CNBD1: variants seen among roughly 807,000 people sequenced by gnomAD.
CNBD1 encodes the protein cyclic nucleotide-binding domain-containing protein 1.
CNBD1 carries 71 observed loss-of-function variants against 54.4 expected under a neutral mutation model. The observed-to-expected ratio is 1.30, with a 90% CI of 1.08 to 1.59. The LOEUF (loss-of-function observed/expected upper bound fraction) is 1.59, where lower values mean the gene tolerates loss of function less well. Among genes scored for constraint, CNBD1 ranks in the 40% most tolerant of loss-of-function variants. The pLI, the probability that CNBD1 is intolerant of heterozygous loss-of-function variation, is 0.00. For missense variants in CNBD1, 659 were observed against 518.0 expected (o/e 1.27, Z -2.64); for synonymous variants, 182 against 170.7 (o/e 1.07, Z -0.51).
chr8:86,964,241 C>G (rs192517470), intron 4 of CNBD1, among the ~76,000 whole-genome samples: 1 of 62,594 alleles, frequency 1.6e-5, no homozygotes, highest in South Asian at 4.7e-4. Context: ...ATCAAGAGGT[C>G]TAGTCCCAGT....
At chr8:87,385,479 A>C (rs113927078), downstream of CNBD1, among the ~76,000 whole-genome samples, 2,873 of 151,840 alleles carry the variant, frequency 0.019, 92 homozygotes, top group African/African-American at 0.063. Flanking sequence ...TATCCTGCAC[A>C]TGTCTCGGAG....
At chr8:87,418,934 A>T (rs727565) in intron 2 of CNBD1, among the ~76,000 whole-genome samples, 1 of 151,562 alleles carries the variant, frequency 6.6e-6, no homozygotes, top group African/African-American at 2.4e-5. Context: ...TATATGACTC[A>T]GCAATTCCAC....
chr8:87,176,277 G>T (rs1417174765), intron 4 of CNBD1, among the ~76,000 whole-genome samples: 1 of 151,924 alleles, frequency 6.6e-6, no homozygotes, highest in African/African-American at 2.4e-5. Context: ...TGATTGGTGG[G>T]GCCATCTTGC....
chr8:87,328,303 G>A (rs757266390), intron 8 of CNBD1, among the ~76,000 whole-genome samples: 1 of 150,950 alleles, frequency 6.6e-6, no homozygotes, highest in Non-Finnish European at 1.5e-5. Context: ...GAATTTTTCT[G>A]GGCTTTTTAT....
intron 4 of CNBD1, among the ~76,000 whole-genome samples, chr8:87,008,951 T>C (rs1302020035): frequency 6.6e-6 from 1 of 152,148 alleles, no homozygotes; most frequent in Non-Finnish European, 1.5e-5. Context: ...GTGACATTTA[T>C]TCAGTTTATT....
chr8:87,122,343 G>A (rs1190620617), intron 4 of CNBD1, among the ~76,000 whole-genome samples: 2 of 151,688 alleles, frequency 1.3e-5, no homozygotes, highest in Non-Finnish European at 3.0e-5. Context: ...GTGGAAATTT[G>A]TATGTCTTCT....
At chr8:87,129,088 AAAAG>A (rs1476778422) in intron 4 of CNBD1, among the ~76,000 whole-genome samples, 7 of 146,338 alleles carry the variant, frequency 4.8e-5, no homozygotes, top group East Asian at 4.0e-4. Context: ...AAAAAAAAAA[AAAAG>A]AATTTTGCTA....
At chr8:87,031,210 T>C (rs981272334) in intron 4 of CNBD1, among the ~76,000 whole-genome samples, 8 of 151,758 alleles carry the variant, frequency 5.3e-5, no homozygotes, top group Non-Finnish European at 1.2e-4. Context: ...TCTCAGTGAA[T>C]TAAGGATGGA....
intron 8 of CNBD1, among the ~76,000 whole-genome samples, chr8:87,332,843 C>T (rs1474167657): frequency 6.6e-6 from 1 of 152,032 alleles, no homozygotes; most frequent in Non-Finnish European, 1.5e-5. Flanking sequence ...TTAGGATTGC[C>T]TTTGCTATGC....
intron 4 of CNBD1, among the ~76,000 whole-genome samples, chr8:86,983,078 G>A (rs1421713533): frequency 6.6e-6 from 1 of 152,170 alleles, no homozygotes; most frequent in East Asian, 1.9e-4. Flanking sequence ...TGGTTTGGGT[G>A]TGTCCTCACC....
chr8:87,327,288 C>T (rs1404772809), intron 8 of CNBD1, among the ~76,000 whole-genome samples: 1 of 148,914 alleles, frequency 6.7e-6, no homozygotes, highest in Non-Finnish European at 1.5e-5. Context: ...AGAGGTGGAG[C>T]CTACAGAGGC....
chr8:87,151,662 C>T (rs766770537), intron 4 of CNBD1, among the ~76,000 whole-genome samples: 1 of 152,088 alleles, frequency 6.6e-6, no homozygotes, highest in African/African-American at 2.4e-5. Context: ...GTATGTTACA[C>T]CCTTTTGACT....
chr8:87,030,370 A>C (rs1476633060), intron 4 of CNBD1, among the ~76,000 whole-genome samples: 1 of 152,218 alleles, frequency 6.6e-6, no homozygotes, highest in Admixed American at 6.5e-5. Context: ...ATACTCTTGG[A>C]ATTCTTATGA....
chr8:87,217,878 T>C (rs1220089991), intron 5 of CNBD1, among the ~76,000 whole-genome samples: 1 of 152,138 alleles, frequency 6.6e-6, no homozygotes, highest in Non-Finnish European at 1.5e-5. Flanking sequence ...TATTGAGAAT[T>C]GGTATTTAAA....
intron 4 of CNBD1, among the ~76,000 whole-genome samples, chr8:86,990,219 C>T (rs1328154894): frequency 2.0e-5 from 3 of 152,032 alleles, no homozygotes; most frequent in Admixed American, 2.0e-4. Flanking sequence ...TTTCATTTGT[C>T]CATTTTGCTT....
In CNBD1 at chr8:87,260,019, T is replaced by C. The variant is rs185642677; in HGVS notation, c.771+22907T>C. ...AGAATCGACAAGGATACACAGACAT[T>C]AAACCAGAAAAGACTCATTTTTTAA... On this transcript the variant is annotated intron_variant, in intron 6 of 10. Coordinates refer to ENST00000518476, the MANE Select transcript of CNBD1 (RefSeq NM_173538.3). Among the ~76,000 whole-genome samples the C allele has an allele frequency of 1.0e-3, 152 of 152,226 alleles. 1 individual carries two copies. Among genetic ancestry groups the C allele is most frequent in the South Asian group, 6.4e-3 (31 of 4,826 alleles).
chr8:87,088,961 C>T (rs1811153188), intron 4 of CNBD1, among the ~76,000 whole-genome samples: 1 of 151,958 alleles, frequency 6.6e-6, no homozygotes, highest in African/African-American at 2.4e-5. Flanking sequence ...ATGAGTAATA[C>T]CCAGTAACTT....
chr8:87,349,395 A>G (rs1363085817), intron 8 of CNBD1, among the ~76,000 whole-genome samples: 5 of 151,752 alleles, frequency 3.3e-5, no homozygotes, highest in Non-Finnish European at 7.4e-5. Flanking sequence ...TTTTTTTTTG[A>G]GGCGGAGTCT....
intron 5 of CNBD1, among the ~76,000 whole-genome samples, chr8:87,228,273 G>A (rs373709143): frequency 0.053 from 8,090 of 151,476 alleles, 328 homozygotes; most frequent in Non-Finnish European, 0.084. Flanking sequence ...GCTTTGTTCC[G>A]TTGCTGGTGA....
Sources: gnomAD v4.1 joint callset for allele counts (sites outside exome capture counted in the v4.1 genomes callset) on GRCh38, gnomAD v4.1.1 for gene constraint, MANE v1.5 for transcripts, NCBI Gene and HGNC (gene_info 2026-07-23, HGNC 2026-07-21) for gene names.